Variants in NELL2 observed in about 807,000 individuals in gnomAD.
The protein encoded by NELL2 is neural EGFL like 2, also known as protein kinase C-binding protein NELL2.
In NELL2, 41 loss-of-function variants were observed where a neutral mutation model predicts 109.6. The observed-to-expected ratio is 0.37, with a 90% confidence interval of 0.29 to 0.49. The LOEUF (loss-of-function observed/expected upper bound fraction) is 0.49. Among genes scored for constraint, NELL2 ranks in the 20% least tolerant of loss-of-function variants. The pLI, the probability that NELL2 is intolerant of heterozygous loss-of-function variation, is 0.98. For missense variants in NELL2, 900 were observed against 1,008.3 expected, an observed-to-expected ratio of 0.89 and a Z score of 1.45; for synonymous variants, 355 against 344.7, an observed-to-expected ratio of 1.03 and a Z score of -0.33.
At chr12:44,827,624 T>C (rs933675518) in intron 2 of NELL2, among the ~76,000 whole-genome samples, 2 of 152,164 alleles carry the variant, frequency 1.3e-5, no homozygotes, top group Admixed American at 6.5e-5. Flanking sequence ...ACACCTCCAG[T>C]TCCACCCATG....
At chr12:44,835,142 C>T (rs1023293432) in intron 2 of NELL2, among the ~76,000 whole-genome samples, 7 of 152,000 alleles carry the variant, frequency 4.6e-5, no homozygotes, top group East Asian at 3.9e-4. Flanking sequence ...GGGACTGGCC[C>T]GGCAGGTACC....
chr12:44,615,687 CT>C (rs1945794995), intron 13 of NELL2, among the ~76,000 whole-genome samples: 1 of 151,966 alleles, frequency 6.6e-6, no homozygotes, highest in African/African-American at 2.4e-5. Flanking sequence ...AGTTTAATGT[CT>C]TTTTGTTGTA....
At chr12:44,674,963 G>A (rs1948256549) in intron 12 of NELL2, among the ~76,000 whole-genome samples, 1 of 152,098 alleles carries the variant, frequency 6.6e-6, no homozygotes, top group South Asian at 2.1e-4. Context: ...AACAAAGGCT[G>A]GCCCTGAATA....
At chr12:44,689,782 A>G (rs1259983572) in intron 12 of NELL2, among the ~76,000 whole-genome samples, 1 of 152,188 alleles carries the variant, frequency 6.6e-6, no homozygotes, top group Non-Finnish European at 1.5e-5. Flanking sequence ...TACTACTGGC[A>G]TCTAGTGGGT....
At chr12:44,803,891 CA>C (rs1454680297) in intron 3 of NELL2, among the ~76,000 whole-genome samples, 2 of 151,728 alleles carry the variant, frequency 1.3e-5, no homozygotes, top group East Asian at 1.9e-4. Flanking sequence ...GTTATATCAG[CA>C]AAAAATTATT....
At chr12:44,850,646 G>T (rs1428875247) in intron 2 of NELL2, among the ~76,000 whole-genome samples, 1 of 152,066 alleles carries the variant, frequency 6.6e-6, no homozygotes, top group East Asian at 1.9e-4. Flanking sequence ...GTTATGTAGG[G>T]CTCATTGTAT....
intron 9 of NELL2, among the ~76,000 whole-genome samples, chr12:44,730,643 G>T (rs1939319696): frequency 6.6e-6 from 1 of 151,806 alleles, no homozygotes; most frequent in South Asian, 2.1e-4. Context: ...CAGTAAAAAA[G>T]GGAAGTTTAT....
chr12:44,596,965 T>G (rs946466269), intron 15 of NELL2, among the ~76,000 whole-genome samples: 1 of 152,226 alleles, frequency 6.6e-6, no homozygotes, highest in Non-Finnish European at 1.5e-5. Context: ...CAAACAACTA[T>G]AGCAAGAAGA....
chr12:44,736,111 C>T (rs563707150), intron 9 of NELL2, among the ~76,000 whole-genome samples: 4 of 150,602 alleles, frequency 2.7e-5, no homozygotes, highest in South Asian at 2.1e-4. Context: ...CCCGGGTTCA[C>T]GCCATTCTCC....
intron 12 of NELL2, among the ~76,000 whole-genome samples, chr12:44,677,419 A>G (rs1053515854): frequency 3.3e-5 from 5 of 152,074 alleles, no homozygotes; most frequent in African/African-American, 1.2e-4. Flanking sequence ...CAGTTCTCCC[A>G]CTCCTAATCC....
chr12:44,539,911 A>G (rs181206988), intron 15 of NELL2, among the ~76,000 whole-genome samples: 7 of 152,350 alleles, frequency 4.6e-5, no homozygotes, highest in East Asian at 1.9e-4. Flanking sequence ...AACACTCACT[A>G]TGCCACACTT....
At chr12:44,689,667 A>G (rs1948839875) in intron 12 of NELL2, among the ~76,000 whole-genome samples, 2 of 152,194 alleles carry the variant, frequency 1.3e-5, no homozygotes, top group Non-Finnish European at 2.9e-5. Flanking sequence ...TTTAGTTTAA[A>G]CCAATTATTC....
Position 44,742,873 on chromosome 12 carries a change from CGA to C in NELL2, c.995-28134_995-28133del, listed in dbSNP as rs1566286391. 4.6e-5 allele frequency among the ~76,000 whole-genome samples: 7 copies of C among 152,242 alleles called. No homozygotes were observed. The East Asian group carries it at 1.4e-3, about 29-fold the overall frequency. On this transcript the variant is annotated intron_variant, in intron 9 of 19. Coordinates refer to ENST00000429094, the MANE Select transcript of NELL2 (RefSeq NM_001145108.2). The stretch of plus-strand genomic sequence containing the variant: ...GAGAATGGAACCAAGTTGGAAAACA[CGA>C]TGCAGGATATTATCCAGGAGAACTT...
At chr12:44,907,748 T>C (rs374100789) in intron 1 of NELL2, among the ~76,000 whole-genome samples, 1 of 152,028 alleles carries the variant, frequency 6.6e-6, no homozygotes. Context: ...ACAGTACGTT[T>C]GTAAGATGGT....
chr12:44,780,523 A>G (rs933766960), intron 3 of NELL2, among the ~76,000 whole-genome samples: 2 of 151,886 alleles, frequency 1.3e-5, no homozygotes, highest in African/African-American at 2.4e-5. Context: ...ATGTAACACC[A>G]GAATAGTGTC....
intron 2 of NELL2, among the ~76,000 whole-genome samples, chr12:44,868,208 T>C (rs1391219187): frequency 7.2e-6 from 1 of 139,316 alleles, no homozygotes; most frequent in Non-Finnish European, 1.6e-5. Flanking sequence ...AAAGATAAAA[T>C]ACTTACATAT....
At chr12:44,713,225 CAGAG>C (rs920267469) in intron 10 of NELL2, among the ~76,000 whole-genome samples, 1,308 of 127,378 alleles carry the variant, frequency 0.01, 19 homozygotes, top group African/African-American at 0.042. Context: ...CAGAGAGAGA[CAGAG>C]AGAGAGAGAG....
intron 9 of NELL2, among the ~76,000 whole-genome samples, chr12:44,725,484 C>A (rs112283776): frequency 0.022 from 3,290 of 152,172 alleles, 112 homozygotes; most frequent in African/African-American, 0.073. Context: ...CCCATTCAGC[C>A]CAGCAATCCC....
chr12:44,745,902 C>T (rs1045276343), intron 9 of NELL2, among the ~76,000 whole-genome samples: 3 of 152,150 alleles, frequency 2.0e-5, no homozygotes, highest in Non-Finnish European at 4.4e-5. Flanking sequence ...AATGCCATCC[C>T]CATCAAGCTA....
Sources: allele counts gnomAD v4.1 joint callset (sites outside exome capture counted in the v4.1 genomes callset), GRCh38; gene constraint gnomAD v4.1.1; transcripts MANE v1.5; gene names NCBI Gene and HGNC (gene_info 2026-07-23, HGNC 2026-07-21).